PVT1: variants seen among roughly 807,000 people sequenced by gnomAD.
The protein encoded by PVT1 is CXCR4/PVT1 fusion.
chr8:127,861,111 C>A (rs1248927457), intron 2 of PVT1, among the ~76,000 whole-genome samples: 3 of 152,124 alleles, frequency 2.0e-5, no homozygotes, highest in African/African-American at 4.8e-5. Context: ...TTTCCTTCTA[C>A]CCTTCCATGT....
At chr8:127,843,956 C>T (rs1192115308) in intron 2 of PVT1, among the ~76,000 whole-genome samples, 1 of 151,912 alleles carries the variant, frequency 6.6e-6, no homozygotes, top group Non-Finnish European at 1.5e-5. Flanking sequence ...GCCTCCTAGC[C>T]TCTGAATTAT....
chr8:127,934,683 T>C (rs1816250684), intron 3 of PVT1, among the ~76,000 whole-genome samples: 1 of 151,590 alleles, frequency 6.6e-6, no homozygotes, highest in Non-Finnish European at 1.5e-5. Context: ...GTTCCCTTCA[T>C]AGATTTCTAA....
chr8:128,084,521 G>A (rs1425267366), intron 5 of PVT1, among the ~76,000 whole-genome samples: 1 of 151,806 alleles, frequency 6.6e-6, no homozygotes, highest in Admixed American at 6.6e-5. Flanking sequence ...TTACAAATTT[G>A]GTTATTTTTT....
chr8:127,982,659 T>TTAAA (rs1194688668), intron 3 of PVT1, among the ~76,000 whole-genome samples: 6 of 144,160 alleles, frequency 4.2e-5, no homozygotes, highest in Non-Finnish European at 7.4e-5. Context: ...AAATAATTAA[T>TTAAA]TAATTAATTA....
intron 4 of PVT1, among the ~76,000 whole-genome samples, chr8:127,997,035 T>G (rs1817112597): frequency 6.8e-6 from 1 of 146,690 alleles, no homozygotes. Context: ...TCACTGGTCA[T>G]TTGCTTTCGT....
At chr8:127,904,115 T>G (rs1815791870) in intron 3 of PVT1, among the ~76,000 whole-genome samples, 1 of 152,330 alleles carries the variant, frequency 6.6e-6, no homozygotes, top group African/African-American at 2.4e-5. Context: ...CAATGTTTTG[T>G]AGTCCTTGTA....
At chr8:127,927,777 G>A (rs144933269) in intron 3 of PVT1, among the ~76,000 whole-genome samples, 33 of 152,298 alleles carry the variant, frequency 2.2e-4, no homozygotes, top group African/African-American at 7.5e-4. Context: ...ACTTGTGCCC[G>A]CTGCAGGTGC....
intron 2 of PVT1, among the ~76,000 whole-genome samples, chr8:127,887,782 C>T (rs181194753): frequency 6.6e-6 from 1 of 152,126 alleles, no homozygotes; most frequent in East Asian, 1.9e-4. Flanking sequence ...CCATCTCAGC[C>T]TCCCAAAGTG....
chr8:128,012,579 G>T (rs1248700203), intron 4 of PVT1, among the ~76,000 whole-genome samples: 1 of 152,110 alleles, frequency 6.6e-6, no homozygotes, highest in African/African-American at 2.4e-5. Flanking sequence ...GGCCCTGTTG[G>T]GTGTGCAAGG....
chr8:127,878,568 C>G (rs1282557697), intron 2 of PVT1, among the ~76,000 whole-genome samples: 1 of 152,194 alleles, frequency 6.6e-6, no homozygotes, highest in South Asian at 2.1e-4. Flanking sequence ...TTTCCCTTCC[C>G]TGCCACTGTC....
intron 2 of PVT1, among the ~76,000 whole-genome samples, chr8:127,836,520 G>C (rs1814910626): frequency 6.6e-6 from 1 of 152,166 alleles, no homozygotes; most frequent in African/African-American, 2.4e-5. Flanking sequence ...AAATTTTGGA[G>C]TGACTGCAGT....
chr8:127,811,660 CT>C (rs1814595854), intron 2 of PVT1, among the ~76,000 whole-genome samples: 1 of 152,212 alleles, frequency 6.6e-6, no homozygotes. Flanking sequence ...GTCATCATTC[CT>C]TAGATTCTAG....
rs116646108 is a variant in PVT1, at chr8:128,007,139, C to T, written n.912+17848C>T. 9.0e-3 allele frequency among the ~76,000 whole-genome samples: 1,370 copies of T among 152,316 alleles called. 17 individuals carry two copies. The highest frequency in any genetic ancestry group is 0.032 in the African/African-American group (1,316 of 41,560). The stretch of plus-strand genomic sequence containing the variant: ...TCAGATTAAAAGAGACGAAGGGACA[C>T]GCTCCAACTGTAACTGCAACGCATG... On this transcript the variant is annotated intron_variant and non_coding_transcript_variant, in intron 4 of 10. Transcript: ENST00000651587.
intron 4 of PVT1, among the ~76,000 whole-genome samples, chr8:128,004,457 T>C (rs888302309): frequency 6.6e-6 from 1 of 152,146 alleles, no homozygotes; most frequent in Middle Eastern, 3.2e-3. Context: ...GTCCCCTCAC[T>C]TCCCTCTCTG....
At chr8:127,937,580 C>CACACACACACACACACACACACAGAGAG (rs59006608) in intron 3 of PVT1, among the ~76,000 whole-genome samples, 1 of 107,866 alleles carries the variant, frequency 9.3e-6, no homozygotes, top group African/African-American at 3.7e-5. Flanking sequence ...CACACACACA[C>CACACACACACACACACACACACAGAGAG]AGAGAGAGAG....
intron 2 of PVT1, among the ~76,000 whole-genome samples, chr8:127,813,193 AATATATATAATATACAAATAT>A (rs1303076467): frequency 1.4e-5 from 2 of 144,338 alleles, no homozygotes; most frequent in Non-Finnish European, 3.0e-5. Flanking sequence ...AATATATACA[AATATATATAATATACAAATAT>A]ATATATATAA....
At chr8:127,998,202 G>A (rs1218477038) in intron 4 of PVT1, 1 of 152,144 alleles carries the variant, frequency 6.6e-6, no homozygotes, top group Non-Finnish European at 1.5e-5. Context: ...CTCTTCAGAA[G>A]GAAGTCACTG....
intron 2 of PVT1, among the ~76,000 whole-genome samples, chr8:127,886,318 G>A (rs1416387918): frequency 6.6e-6 from 1 of 151,918 alleles, no homozygotes; most frequent in Non-Finnish European, 1.5e-5. Context: ...TATATATCCT[G>A]CATGGGATTT....
At chr8:127,824,561 A>T (rs917291460) in intron 2 of PVT1, among the ~76,000 whole-genome samples, 1 of 152,240 alleles carries the variant, frequency 6.6e-6, no homozygotes, top group Non-Finnish European at 1.5e-5. Flanking sequence ...AATGTGGGAA[A>T]TGTTAAGAGT....
Sources: allele counts gnomAD v4.1 joint callset (sites outside exome capture counted in the v4.1 genomes callset), GRCh38; gene constraint gnomAD v4.1.1; transcripts MANE v1.5; gene names NCBI Gene and HGNC (gene_info 2026-07-23, HGNC 2026-07-21).